The following ZNF385D variants were observed in gnomAD, a reference collection of about 807,000 sequenced individuals.
ZNF385D encodes the protein zinc finger protein 385D, also known as zinc finger protein 659.
A neutral mutation model predicts 35.8 loss-of-function variants in ZNF385D; 15 were observed. The observed-to-expected ratio is 0.42, with a 90% CI of 0.28 to 0.64. The LOEUF (loss-of-function observed/expected upper bound fraction) is 0.64. Among genes scored for constraint, ZNF385D ranks in the 30% least tolerant of loss-of-function variants. ZNF385D has a pLI of 0.23. For missense variants in ZNF385D, 474 were observed against 494.6 expected (o/e 0.96, Z 0.39); for synonymous variants, 212 against 186.8 (o/e 1.13, Z -1.10).
chr3:21,437,699 T>TAAAAAAAAAA (rs1559447253), intron 4 of ZNF385D, among the ~76,000 whole-genome samples: 2 of 1,192 alleles, frequency 1.7e-3, no homozygotes, highest in African/African-American at 2.6e-3. Flanking sequence ...CAAATGCTTA[T>TAAAAAAAAAA]ACAAAAAAAA....
At chr3:22,163,792 T>C (rs1433873489) in intron 3 of ZNF385D, among the ~76,000 whole-genome samples, 1 of 152,234 alleles carries the variant, frequency 6.6e-6, no homozygotes, top group Admixed American at 6.5e-5. Flanking sequence ...TAAATTGTGG[T>C]GAAAAGTTTG....
chr3:22,203,774 T>C (rs1343193820), intron 2 of ZNF385D, among the ~76,000 whole-genome samples: 1 of 151,926 alleles, frequency 6.6e-6, no homozygotes, highest in Non-Finnish European at 1.5e-5. Flanking sequence ...AAAAGAAAAG[T>C]GGGAATGACT....
intron 2 of ZNF385D, among the ~76,000 whole-genome samples, chr3:22,311,704 T>C (rs1703561153): frequency 6.6e-6 from 1 of 152,088 alleles, no homozygotes; most frequent in Non-Finnish European, 1.5e-5. Context: ...AAGAAGATAA[T>C]ATTCACGCTT....
chr3:22,223,071 T>C (rs1698354197), intron 2 of ZNF385D, among the ~76,000 whole-genome samples: 1 of 152,144 alleles, frequency 6.6e-6, no homozygotes, highest in South Asian at 2.1e-4. Flanking sequence ...ATCTATACTT[T>C]CTTGGATATT....
At chr3:21,788,597 G>C (rs1346949391) in intron 3 of ZNF385D, among the ~76,000 whole-genome samples, 2 of 152,152 alleles carry the variant, frequency 1.3e-5, no homozygotes, top group African/African-American at 4.8e-5. Flanking sequence ...ATCCATGTTA[G>C]GCCATCAGTA....
intron 3 of ZNF385D, among the ~76,000 whole-genome samples, chr3:21,828,848 A>G (rs1305613185): frequency 6.6e-6 from 1 of 152,198 alleles, no homozygotes; most frequent in Non-Finnish European, 1.5e-5. Context: ...TACAGCATCT[A>G]TAGACCACCT....
At chr3:22,359,865 T>C (rs556510049) in intron 2 of ZNF385D, among the ~76,000 whole-genome samples, 296 of 152,072 alleles carry the variant, frequency 1.9e-3, no homozygotes, top group African/African-American at 6.9e-3. Context: ...ATGACTATTT[T>C]TTAAACCTGT....
chr3:21,785,145 A>C (rs919918955), intron 3 of ZNF385D, among the ~76,000 whole-genome samples: 1 of 152,120 alleles, frequency 6.6e-6, no homozygotes, highest in Non-Finnish European at 1.5e-5. Context: ...GCTTTTTAAT[A>C]ATTTGCCCCC....
At chr3:21,501,700 AT>A (rs140839322) in intron 4 of ZNF385D, among the ~76,000 whole-genome samples, 1 of 152,118 alleles carries the variant, frequency 6.6e-6, no homozygotes, top group African/African-American at 2.4e-5. Context: ...TTTAAGAATC[AT>A]TTTTTTGCAG....
intron 2 of ZNF385D, among the ~76,000 whole-genome samples, chr3:21,623,961 T>C (rs1374299841): frequency 6.6e-6 from 1 of 152,024 alleles, no homozygotes; most frequent in Non-Finnish European, 1.5e-5. Flanking sequence ...AATAATCAGG[T>C]TGTATTGAGA....
At chr3:21,485,652 C>G (rs1239559461) in intron 4 of ZNF385D, among the ~76,000 whole-genome samples, 2 of 151,940 alleles carry the variant, frequency 1.3e-5, no homozygotes, top group Non-Finnish European at 2.9e-5. Flanking sequence ...CCACCTCTGC[C>G]TCAAAATTCT....
chr3:22,034,249 G>A (rs1199139894), intron 3 of ZNF385D, among the ~76,000 whole-genome samples: 1 of 152,132 alleles, frequency 6.6e-6, no homozygotes, highest in Non-Finnish European at 1.5e-5. Context: ...TGATCTTACA[G>A]GAGTCAAAAG....
At chr3:21,702,409 G>A (rs758357408) in intron 1 of ZNF385D, among the ~76,000 whole-genome samples, 2 of 152,192 alleles carry the variant, frequency 1.3e-5, no homozygotes, top group Admixed American at 1.3e-4. Flanking sequence ...GGGAACCCTG[G>A]GCCCGGCCCA....
At chr3:22,134,508 A>T (rs1184857574) in intron 3 of ZNF385D, 1 of 152,152 alleles carries the variant, frequency 6.6e-6, no homozygotes, top group African/African-American at 2.4e-5. Flanking sequence ...CAACCAACAA[A>T]ATCTAACTGA....
intron 3 of ZNF385D, among the ~76,000 whole-genome samples, chr3:22,015,170 G>C (rs1365702594): frequency 6.6e-6 from 1 of 152,100 alleles, no homozygotes; most frequent in South Asian, 2.1e-4. Flanking sequence ...ACAGAATTCA[G>C]TTTAAAGCAA....
chr3:22,158,397 G>C (rs1705725886), intron 3 of ZNF385D, among the ~76,000 whole-genome samples: 1 of 152,036 alleles, frequency 6.6e-6, no homozygotes, highest in African/African-American at 2.4e-5. Context: ...TTTAGGTCCA[G>C]TGTTTTATCT....
chr3:21,812,244 C>A (rs780269357), intron 3 of ZNF385D, among the ~76,000 whole-genome samples: 3 of 152,196 alleles, frequency 2.0e-5, no homozygotes, highest in East Asian at 3.8e-4. Context: ...CCAAGATGGT[C>A]GAATAGGAAC....
At chr3:22,236,231 G>A (rs1429434765) in intron 2 of ZNF385D, among the ~76,000 whole-genome samples, 1 of 152,108 alleles carries the variant, frequency 6.6e-6, no homozygotes, top group Non-Finnish European at 1.5e-5. Flanking sequence ...TTATGTATAC[G>A]TGTATTTACA....
chr3:21,858,669 T>A (rs73146823), intron 3 of ZNF385D, among the ~76,000 whole-genome samples: 1 of 152,072 alleles, frequency 6.6e-6, no homozygotes, highest in African/African-American at 2.4e-5. Context: ...GGGAAATAAA[T>A]GTTTGTCATA....
Sources: allele counts gnomAD v4.1 joint callset (sites outside exome capture counted in the v4.1 genomes callset), GRCh38; gene constraint gnomAD v4.1.1; transcripts MANE v1.5; gene names NCBI Gene and HGNC (gene_info 2026-07-23, HGNC 2026-07-21).